PXDN: variants seen among roughly 807,000 people sequenced by gnomAD.
PXDN encodes the protein peroxidasin.
In PXDN, 77 loss-of-function variants were observed where a neutral mutation model predicts 140.3. The ratio of observed to expected loss-of-function variants is 0.55; its 90% confidence interval spans 0.46 to 0.66. PXDN has a LOEUF of 0.66. Among genes scored for constraint, PXDN ranks in the 30% least tolerant of loss-of-function variants. The pLI, the probability that PXDN is intolerant of heterozygous loss-of-function variation, is 0.00. For synonymous variants in PXDN, 911 were observed against 857.4 expected (o/e 1.06, Z -1.09); for missense variants, 1,838 against 2,039.5 (o/e 0.90, Z 1.90).
chr2:1,736,127 A>C (rs534179455), intron 1 of PXDN, among the ~76,000 whole-genome samples: 1 of 152,162 alleles, frequency 6.6e-6, no homozygotes, highest in East Asian at 1.9e-4. Context: ...CTCTGGATCA[A>C]ACTTTGGCTG....
At chr2:1,694,715 G>A (rs968603157) in intron 1 of PXDN, among the ~76,000 whole-genome samples, 7 of 152,200 alleles carry the variant, frequency 4.6e-5, no homozygotes, top group Non-Finnish European at 7.3e-5. Flanking sequence ...GACTCTCCAC[G>A]TAGGAGCTGC....
At chr2:1,712,640 T>C (rs1274844533) in intron 1 of PXDN, among the ~76,000 whole-genome samples, 2 of 152,224 alleles carry the variant, frequency 1.3e-5, no homozygotes, top group Non-Finnish European at 2.9e-5. Flanking sequence ...CATGGCGGCC[T>C]TGTGGTGGAA....
chr2:1,689,045 C>T (rs1684127696), intron 3 of PXDN, among the ~76,000 whole-genome samples: 1 of 152,154 alleles, frequency 6.6e-6, no homozygotes, highest in African/African-American at 2.4e-5. Context: ...CCACCCAGAA[C>T]TCCCCAGCGA....
Position 1,649,685 on chromosome 2 carries a change from G to A in PXDN, c.2105-10C>T. The A allele has an allele frequency of 6.2e-7, 1 of 1,613,548 alleles. No homozygotes were observed. On this transcript the variant is annotated splice_polypyrimidine_tract_variant and intron_variant, in intron 16 of 22. Coordinates refer to ENST00000252804, the MANE Select transcript of PXDN (RefSeq NM_012293.3). The surrounding 1 kb of genome is among the most constrained non-coding windows in gnomAD (Gnocchi z 7.1). ...TCGTTGTAGTGGTAACCTGGGACGTGGAGAAAAGCAAGACGCACTCAATTC... is the reference window on the plus strand; with the variant it reads ...TCGTTGTAGTGGTAACCTGGGACGTAGAGAAAAGCAAGACGCACTCAATTC...
At chr2:1,672,244 CACA>C (rs1683595348) in intron 9 of PXDN, 1 of 152,134 alleles carries the variant, frequency 6.6e-6, no homozygotes, top group South Asian at 2.1e-4. Flanking sequence ...CTGAGAAAGA[CACA>C]ACAATTCAGA....
rs535204252 is a variant in PXDN, at chr2:1,685,645, G to A, written c.417-1494C>T. ...GGAAAGGGGGTATTTCAAGCCCCAC[G>A]GAGAGCGATGGGTGTAAAAATCCCT... On this transcript the variant is annotated intron_variant, in intron 4 of 22. Transcript: ENST00000252804. The surrounding 1 kb of genome is among the most constrained non-coding windows in gnomAD (Gnocchi z 5.1). Among the ~76,000 whole-genome samples, 66 of 152,228 alleles carry A rather than the reference G, an allele frequency of 4.3e-4. No homozygotes were observed. Among genetic ancestry groups the A allele is most frequent in the African/African-American group, 1.5e-3 (62 of 41,540 alleles).
intron 3 of PXDN, among the ~76,000 whole-genome samples, chr2:1,688,755 G>A (rs556211587): frequency 3.3e-5 from 5 of 152,162 alleles, no homozygotes; most frequent in South Asian, 2.1e-4. Context: ...AGGCAGACAC[G>A]TCTCTTCAAA....
intron 19 of PXDN, among the ~76,000 whole-genome samples, chr2:1,641,009 C>T (rs1444872274): frequency 6.6e-6 from 1 of 152,232 alleles, no homozygotes; most frequent in African/African-American, 2.4e-5. Flanking sequence ...CCTGCACCTG[C>T]TCTGTGCTGC....
At chr2:1,737,836 C>A (rs933889215) in intron 1 of PXDN, among the ~76,000 whole-genome samples, 2 of 152,106 alleles carry the variant, frequency 1.3e-5, no homozygotes, top group East Asian at 1.9e-4. Context: ...TCCATGCCCC[C>A]CTTAATGCCT....
intron 1 of PXDN, among the ~76,000 whole-genome samples, chr2:1,694,796 G>C (rs562800312): frequency 6.6e-5 from 10 of 152,214 alleles, no homozygotes; most frequent in African/African-American, 2.2e-4. Flanking sequence ...CAGCCATCCA[G>C]GATGCCCACT....
At chr2:1,738,532 A>C (rs527392376) in intron 1 of PXDN, among the ~76,000 whole-genome samples, 3 of 149,926 alleles carry the variant, frequency 2.0e-5, no homozygotes, top group Non-Finnish European at 4.4e-5. Context: ...GAATCAGCAT[A>C]ATGCAAGTTG....
At chr2:1,729,301 C>A (rs1558529834) in intron 1 of PXDN, among the ~76,000 whole-genome samples, 1 of 152,174 alleles carries the variant, frequency 6.6e-6, no homozygotes, top group South Asian at 2.1e-4. Flanking sequence ...GTATTTCCAC[C>A]ATCCCGGGGT....
At chr2:1,722,205 C>T (rs1685069742) in intron 1 of PXDN, among the ~76,000 whole-genome samples, 1 of 152,176 alleles carries the variant, frequency 6.6e-6, no homozygotes, top group Admixed American at 6.5e-5. Context: ...AAAATTAAGC[C>T]AAAGCAGTCC....
intron 1 of PXDN, among the ~76,000 whole-genome samples, chr2:1,741,848 T>C (rs916967910): frequency 2.6e-5 from 4 of 152,110 alleles, no homozygotes; most frequent in Non-Finnish European, 5.9e-5. Context: ...GGACATGAAA[T>C]GTTGCTTCAC....
intron 12 of PXDN, among the ~76,000 whole-genome samples, 167 bp from the exon 13 acceptor site, chr2:1,662,351 C>A (rs1199226116): frequency 6.6e-6 from 1 of 152,228 alleles, no homozygotes; most frequent in Non-Finnish European, 1.5e-5. Context: ...CTGCACAGGG[C>A]AGGGGAGCCT....
At chr2:1,736,660 T>TA (rs1218524433) in intron 1 of PXDN, among the ~76,000 whole-genome samples, 1 of 145,236 alleles carries the variant, frequency 6.9e-6, no homozygotes, top group African/African-American at 2.6e-5. Context: ...CTCCACAAAA[T>TA]AAAAAATTAA....
In PXDN at chr2:1,687,769, A is replaced by C. The variant is rs1684095272; in HGVS notation, c.345-66T>G. The C allele has an allele frequency of 8.9e-6, 11 of 1,239,736 alleles. No homozygotes were observed. In the South Asian group the frequency reaches 1.5e-4, roughly 17 times the overall value. 76.8% of individuals were successfully genotyped at this position (1,239,736 alleles called of 1,614,324 possible). A position where few individuals can be genotyped will look rare whatever the true frequency, so the allele number is the denominator to read the frequency against. ...GAGGTCAAACTTCAGACGGAAAAGA[A>C]GAATTAAATTGACACATGGAGACAG... On this transcript the variant is annotated intron_variant, in intron 3 of 22. Coordinates refer to ENST00000252804, the MANE Select transcript of PXDN (RefSeq NM_012293.3). The surrounding 1 kb of genome is among the most constrained non-coding windows in gnomAD (Gnocchi z 4.0).
chr2:1,635,456 G>A lies in PXDN; in HGVS notation c.4272C>T (p.Ala1424=). 6.2e-7 allele frequency: 1 copy of A among 1,602,666 alleles called. No homozygotes were observed. Among genetic ancestry groups the A allele is most frequent in the Non-Finnish European group, 8.5e-7 (1 of 1,174,098 alleles). Residue 1424 remains alanine (A), a synonymous_variant, in exon 22 of 23, where the codon GCC becomes GCT. Transcript: ENST00000252804. ...ECVDAGGESH[A]NNTKWKKDAC... is the part of the protein sequence containing the mutation. The stretch of plus-strand genomic sequence containing the variant: ...CATCTTTTTTCCACTTGGTGTTGTT[G>A]GCGTGAGATTCGCCCCCGGCATCCA...
intron 1 of PXDN, among the ~76,000 whole-genome samples, chr2:1,719,495 C>T (rs575926930): frequency 2.6e-5 from 4 of 152,354 alleles, no homozygotes; most frequent in Admixed American, 2.0e-4. Context: ...CGCCGGTCCC[C>T]GCCGACCTGC....
Sources: gnomAD v4.1 joint callset for allele counts (sites outside exome capture counted in the v4.1 genomes callset) on GRCh38, gnomAD v4.1.1 for gene constraint, Gnocchi (gnomAD v3.1) non-coding constraint, MANE v1.5 for transcripts, NCBI Gene and HGNC (gene_info 2026-07-23, HGNC 2026-07-21) for gene names.